NUP214: variants seen among roughly 807,000 people sequenced by gnomAD.
The protein encoded by NUP214 is nucleoporin 214.
Under a neutral mutation model 196.2 loss-of-function variants are expected in NUP214, and 79 were observed. The ratio of observed to expected loss-of-function variants is 0.40; its 90% CI spans 0.34 to 0.49. The LOEUF is 0.49. Among genes scored for constraint, NUP214 ranks in the 20% least tolerant of loss-of-function variants. The pLI is 0.58. For missense variants in NUP214, 2,468 were observed against 2,539.0 expected (o/e 0.97, Z 0.60); for synonymous variants, 1,020 against 990.5 (o/e 1.03, Z -0.56).
At position 131,163,877 on chromosome 9, in the gene NUP214, A is replaced by G. The variant is rs758175892; in HGVS notation, c.2731A>G (p.Ser911Gly). Residue 911 changes from serine (S) to glycine (G), a missense_variant, in exon 20 of 36, where the codon AGT becomes GGT. Ser to Gly is a moderately conservative substitution (Grantham distance 56). Coordinates refer to ENST00000359428, the MANE Select transcript of NUP214 (RefSeq NM_005085.4). ...AACACTGTTCTGTTTCAGTTTTGAC[A>G]GTGACCTGGAAAGCCTGTGCAATGC... ...PSQSSIHSFD[S>G]DLESLCNALL... The G allele has an allele frequency of 1.1e-5, 17 of 1,614,080 alleles. No individual in the cohort carries two copies. Among genetic ancestry groups the G allele is most frequent in the Non-Finnish European group, 1.4e-5 (16 of 1,179,938 alleles).
chr9:131,177,932 AAG>A (rs1342653351), intron 23 of NUP214, among the ~76,000 whole-genome samples: 1 of 152,168 alleles, frequency 6.6e-6, no homozygotes, highest in African/African-American at 2.4e-5. Context: ...ATGTTAAAGA[AAG>A]ACAGTGAATG....
In NUP214 at chr9:131,174,335, A is replaced by T; in HGVS notation, c.3157+17A>T. On this transcript the variant is annotated intron_variant, in intron 22 of 35. Coordinates refer to ENST00000359428, the MANE Select transcript of NUP214 (RefSeq NM_005085.4). ...GAACTTCAGGTAAGTAAACAGTGGG[A>T]AAGGAAACTGTTTTTCCCTATGATG... 1 of 1,601,858 alleles carries T rather than the reference A, an allele frequency of 6.2e-7. No individual in the cohort carries two copies. The highest frequency in any genetic ancestry group is 8.5e-7 in the Non-Finnish European group (1 of 1,176,700).
intron 1 of NUP214, among the ~76,000 whole-genome samples, 170 bp from the exon 2 acceptor site, chr9:131,127,354 G>A (rs1266545674): frequency 2.0e-5 from 3 of 152,224 alleles, no homozygotes; most frequent in African/African-American, 7.2e-5. Flanking sequence ...CTGCACTCCA[G>A]CCTGGACGAC....
rs192499787 is a variant in NUP214, at chr9:131,187,269, A to G, written c.3420-20A>G. 19 of 1,608,448 alleles carry G rather than the reference A, an allele frequency of 1.2e-5. No individual in the cohort carries two copies. In the East Asian group the frequency reaches 2.5e-4, roughly 21 times the overall value. On this transcript the variant is annotated intron_variant, in intron 24 of 35. Transcript: ENST00000359428. The stretch of plus-strand genomic sequence containing the variant: ...CCTAGTCATGCCTTTCTCTGAGTGT[A>G]TGCTTTGTGTGTTTTTCAGTTCTTC...
chr9:131,216,418 G>A (rs1156363845), intron 31 of NUP214, among the ~76,000 whole-genome samples: 26 of 148,758 alleles, frequency 1.7e-4, no homozygotes, highest in Admixed American at 1.6e-3. Context: ...TAGTAGAGAC[G>A]GGGTTTCACC....
At chr9:131,171,507 C>G (rs1832954945) in intron 21 of NUP214, among the ~76,000 whole-genome samples, 1 of 149,764 alleles carries the variant, frequency 6.7e-6, no homozygotes, top group Non-Finnish European at 1.5e-5. Context: ...AACCTAGCGG[C>G]TTAAAACAGT....
chr9:131,162,904 AC>A, intron 18 of NUP214, 86 bp from the exon 19 acceptor site: 1 of 1,228,626 alleles, frequency 8.1e-7, no homozygotes, highest in Non-Finnish European at 1.2e-6. Flanking sequence ...TTTCACTGTT[AC>A]CATTGTAGTC....
chr9:131,200,214 G>A (rs1833902390), intron 29 of NUP214, among the ~76,000 whole-genome samples: 1 of 152,226 alleles, frequency 6.6e-6, no homozygotes, highest in Non-Finnish European at 1.5e-5. Context: ...AGGTATCTGA[G>A]CTGTCTACTT....
intron 11 of NUP214, among the ~76,000 whole-genome samples, chr9:131,141,362 T>G (rs183309241): frequency 6.6e-6 from 1 of 152,236 alleles, no homozygotes; most frequent in East Asian, 1.9e-4. Context: ...TGCAAAACAA[T>G]GGCCACAGTC....
intron 7 of NUP214, among the ~76,000 whole-genome samples, chr9:131,133,471 ATT>A (rs532268977): frequency 2.0e-4 from 29 of 145,820 alleles, no homozygotes; most frequent in African/African-American, 6.5e-4. Flanking sequence ...TGCCTGGCTA[ATT>A]TTTTTTTTTT....
intron 6 of NUP214, 160 bp downstream of exon 6, chr9:131,132,819 G>A (rs773267393): frequency 1.5e-6 from 1 of 665,518 alleles, no homozygotes; most frequent in Non-Finnish European, 2.6e-6. Context: ...GTAAATTATG[G>A]CCCTCTGGGT....
At chr9:131,156,795 C>G (rs1423874439) in intron 17 of NUP214, among the ~76,000 whole-genome samples, 1 of 152,062 alleles carries the variant, frequency 6.6e-6, no homozygotes, top group African/African-American at 2.4e-5. Context: ...TTGACTTTCT[C>G]TTTATCAGTT....
At chr9:131,135,799 CACCTTTGTTCAACCAGATAAAAA>C in intron 8 of NUP214, 118 bp from the exon 9 acceptor site, 1 of 604,972 alleles carries the variant, frequency 1.7e-6, no homozygotes. Flanking sequence ...AGAATCTTCC[CACCTTTGTTCAACCAGATAAAAA>C]ACCTTACTCT....
chr9:131,144,579 C>A lies in NUP214; in HGVS notation c.1594C>A (p.Pro532Thr), dbSNP rs752824885. 2 of 1,614,132 alleles carry A rather than the reference C, an allele frequency of 1.2e-6. No individual in the cohort carries two copies. Residue 532 changes from proline to threonine, a missense_variant, in exon 12 of 36, where the codon CCC becomes ACC. Coordinates refer to ENST00000359428, the MANE Select transcript of NUP214 (RefSeq NM_005085.4). The stretch of plus-strand genomic sequence containing the variant: ...TCCCCCTTCTAAAGCCTCCCTAGCC[C>A]CCACCCCTGCAGCGTCTCCTGTGGC... ...FVPPSKASLA[P>T]TPAASPVAPS...
intron 31 of NUP214, among the ~76,000 whole-genome samples, chr9:131,219,959 A>G (rs188101804): frequency 2.3e-3 from 353 of 152,314 alleles, no homozygotes; most frequent in Non-Finnish European, 3.5e-3. Flanking sequence ...ATCGGATTTA[A>G]TTGCTATCCA....
At chr9:131,193,160 A>C (rs1367263391) in intron 27 of NUP214, among the ~76,000 whole-genome samples, 2 of 152,126 alleles carry the variant, frequency 1.3e-5, no homozygotes, top group African/African-American at 4.8e-5. Context: ...TCTATACCTT[A>C]TCTCAAGATG....
At chr9:131,229,980 G>A (rs1227902310) in intron 33 of NUP214, 13 of 339,228 alleles carry the variant, frequency 3.8e-5, no homozygotes, top group South Asian at 1.7e-4. Context: ...CAACCCAGCC[G>A]AGTTCCTCTG....
At chr9:131,190,154 C>T (rs920301281) in intron 26 of NUP214, 3 of 311,012 alleles carry the variant, frequency 9.6e-6, no homozygotes, top group East Asian at 4.9e-5. Flanking sequence ...GTATCATGTA[C>T]GCCTCACATG....
chr9:131,163,291 T>C, intron 19 of NUP214, 118 bp downstream of exon 19: 1 of 1,041,742 alleles, frequency 9.6e-7, no homozygotes, highest in African/African-American at 1.6e-5. Flanking sequence ...ACCTGTGTAA[T>C]CCTGGTCAGG....
Sources: allele counts gnomAD v4.1 joint callset (sites outside exome capture counted in the v4.1 genomes callset), GRCh38; gene constraint gnomAD v4.1.1; transcripts MANE v1.5; gene names NCBI Gene and HGNC (gene_info 2026-07-23, HGNC 2026-07-21).